Variants in ZNF423 observed in about 807,000 individuals in gnomAD.
ZNF423 encodes zinc finger protein 423.
In ZNF423, 12 loss-of-function variants were observed where a neutral mutation model predicts 95.8. That is an observed-to-expected ratio of 0.13 (90% CI 0.08 to 0.20). The LOEUF (loss-of-function observed/expected upper bound fraction) is 0.20. ZNF423 is among the 10% of genes least tolerant of loss of function. The pLI, the probability that ZNF423 is intolerant of heterozygous loss-of-function variation, is 1.00. For synonymous variants in ZNF423, 749 were observed against 711.9 expected, an observed-to-expected ratio of 1.05 and a Z score of -0.83; for missense variants, 1,316 against 1,737.1, an observed-to-expected ratio of 0.76 and a Z score of 4.31.
At chr16:49,536,657 C>T (rs1356665990) in intron 5 of ZNF423, among the ~76,000 whole-genome samples, 3 of 152,076 alleles carry the variant, frequency 2.0e-5, no homozygotes, top group Non-Finnish European at 2.9e-5. Context: ...GCTGGTCTCA[C>T]ACTCCTGGCC....
At chr16:49,796,105 G>C (rs1177674414) in intron 1 of ZNF423, among the ~76,000 whole-genome samples, 1 of 152,164 alleles carries the variant, frequency 6.6e-6, no homozygotes, top group East Asian at 1.9e-4. Flanking sequence ...TCTGGGGTCA[G>C]AAGTTGTGGG....
At chr16:49,763,974 G>T (rs1326757895) in intron 2 of ZNF423, among the ~76,000 whole-genome samples, 1 of 152,174 alleles carries the variant, frequency 6.6e-6, no homozygotes, top group Non-Finnish European at 1.5e-5. Context: ...GGACCTTTGT[G>T]CAGAAAGTCT....
At chr16:49,654,391 A>C (rs1973529485) in intron 3 of ZNF423, among the ~76,000 whole-genome samples, 1 of 152,194 alleles carries the variant, frequency 6.6e-6, no homozygotes, top group South Asian at 2.1e-4. Context: ...ATCTGGGCCT[A>C]CAGAAGATGG....
rs1972843126 is a variant in ZNF423, at chr16:49,638,432, G to A, written c.744C>T (p.His248=). The A allele has an allele frequency of 6.2e-7, 1 of 1,613,944 alleles. No individual in the cohort carries two copies. Among genetic ancestry groups the A allele is most frequent in the Non-Finnish European group, 8.5e-7 (1 of 1,180,046 alleles). The part of the protein sequence containing the change: ...GFSSTSSLQS[H]MQAHKKNKEH... ...CCTTGTTCTTTTTGTGGGCCTGCATGTGGCTCTGCAGCGAGCTGGTGGAGG... is the reference window on the plus strand; with the variant it reads ...CCTTGTTCTTTTTGTGGGCCTGCATATGGCTCTGCAGCGAGCTGGTGGAGG... The change falls in exon 4 of 8, where the codon CAC becomes CAT. Residue 248 remains histidine (H), a synonymous_variant. Transcript: ENST00000563137. The surrounding 1 kb of genome is among the most constrained non-coding windows in gnomAD (Gnocchi z 5.6).
chr16:49,794,935 T>C (rs527994013), intron 1 of ZNF423, among the ~76,000 whole-genome samples: 1 of 152,272 alleles, frequency 6.6e-6, no homozygotes, highest in East Asian at 1.9e-4. Context: ...TGGGGTACAA[T>C]AGTGTGATCT....
chr16:49,849,573 T>C (rs2076867596), intron 1 of ZNF423, among the ~76,000 whole-genome samples: 1 of 152,178 alleles, frequency 6.6e-6, no homozygotes, highest in African/African-American at 2.4e-5. Context: ...GATAATGATG[T>C]GGTTGCCTTT....
intron 5 of ZNF423, among the ~76,000 whole-genome samples, chr16:49,586,177 G>A (rs1370027226): frequency 6.6e-6 from 1 of 152,130 alleles, no homozygotes; most frequent in East Asian, 1.9e-4. Context: ...AAGAATTTCC[G>A]AGGTGAGGCC....
At chr16:49,789,465 C>A in intron 2 of ZNF423, 22 bp downstream of exon 2, 1 of 1,610,082 alleles carries the variant, frequency 6.2e-7, no homozygotes, top group Non-Finnish European at 8.5e-7. Context: ...TGCAACTCTT[C>A]CACCAGCCCC....
intron 5 of ZNF423, among the ~76,000 whole-genome samples, chr16:49,566,600 A>G (rs973571717): frequency 5.9e-5 from 9 of 152,246 alleles, no homozygotes; most frequent in African/African-American, 1.9e-4. Flanking sequence ...CAGAATTGAT[A>G]CGGCAGCAGC....
At chr16:49,716,274 C>A (rs115736624) in intron 3 of ZNF423, among the ~76,000 whole-genome samples, 1,748 of 152,220 alleles carry the variant, frequency 0.011, 36 homozygotes, top group African/African-American at 0.04. Flanking sequence ...AGGGGTCAGA[C>A]CCGCTCCAGC....
chr16:49,734,183 C>T (rs1159862621), intron 2 of ZNF423, among the ~76,000 whole-genome samples: 2 of 152,212 alleles, frequency 1.3e-5, no homozygotes. Flanking sequence ...TGATCGGTTG[C>T]TCAGTAAGTC....
intron 1 of ZNF423, among the ~76,000 whole-genome samples, chr16:49,834,188 G>A (rs151277785): frequency 1.3e-5 from 2 of 152,258 alleles, no homozygotes; most frequent in African/African-American, 4.8e-5. Context: ...TTAAGGCCCT[G>A]CAGTTCCACT....
chr16:49,596,748 C>T (rs1342392968), intron 5 of ZNF423, among the ~76,000 whole-genome samples: 4 of 152,144 alleles, frequency 2.6e-5, no homozygotes, highest in African/African-American at 7.2e-5. Flanking sequence ...GACAGAGAAT[C>T]GCTTTCACAG....
chr16:49,607,064 T>C (rs1479426747), intron 5 of ZNF423, among the ~76,000 whole-genome samples: 1 of 132,250 alleles, frequency 7.6e-6, no homozygotes, highest in Non-Finnish European at 1.5e-5. Flanking sequence ...CGTTAAATGT[T>C]TTGGATTTTT....
chr16:49,798,669 G>A (rs1484761667), intron 1 of ZNF423, among the ~76,000 whole-genome samples: 2 of 152,132 alleles, frequency 1.3e-5, no homozygotes, highest in Non-Finnish European at 2.9e-5. Context: ...CCATTGTTAA[G>A]AATTACTGAT....
chr16:49,695,791 G>A (rs1357526367), intron 3 of ZNF423, among the ~76,000 whole-genome samples: 1 of 152,222 alleles, frequency 6.6e-6, no homozygotes, highest in South Asian at 2.1e-4. Context: ...AGCCTGGAGA[G>A]TGTGGACTGG....
At chr16:49,542,517 G>C (rs1009907827) in intron 5 of ZNF423, among the ~76,000 whole-genome samples, 1 of 152,238 alleles carries the variant, frequency 6.6e-6, no homozygotes, top group Non-Finnish European at 1.5e-5. Context: ...TGTCCCATGT[G>C]AGCTGGAATG....
At chr16:49,854,886 G>A (rs2035342017) in intron 1 of ZNF423, 1 of 985,248 alleles carries the variant, frequency 1.0e-6, no homozygotes, top group East Asian at 1.1e-4. Context: ...CGGGGAGCCA[G>A]CACAGAAAGC....
At chr16:49,774,561 G>T (rs2034089072) in intron 2 of ZNF423, among the ~76,000 whole-genome samples, 1 of 152,196 alleles carries the variant, frequency 6.6e-6, no homozygotes, top group African/African-American at 2.4e-5. Context: ...AGCCCTCTAC[G>T]CATTCTGAGC....
Sources: allele counts gnomAD v4.1 joint callset (sites outside exome capture counted in the v4.1 genomes callset), GRCh38; gene constraint gnomAD v4.1.1; non-coding constraint Gnocchi (gnomAD v3.1); transcripts MANE v1.5; gene names NCBI Gene and HGNC (gene_info 2026-07-23, HGNC 2026-07-21).